LARGE1: variants seen among roughly 807,000 people sequenced by gnomAD.
The protein encoded by LARGE1 is LARGE xylosyl- and glucuronyltransferase 1.
LARGE1 carries 43 observed loss-of-function variants against 87.6 expected under a neutral mutation model. The ratio of observed to expected loss-of-function variants is 0.49; its 90% CI spans 0.38 to 0.63. LARGE1 has a LOEUF of 0.63. Among genes scored for constraint, LARGE1 ranks in the 30% least tolerant of loss-of-function variants. The probability of loss-of-function intolerance (pLI) is 0.00; values close to 1 mark genes in which losing one functional copy is unlikely to be tolerated. For missense variants in LARGE1, 802 were observed against 1,000.2 expected (o/e 0.80, Z 2.67); for synonymous variants, 434 against 394.6 (o/e 1.10, Z -1.18).
chr22:33,417,261 C>G (rs2066533046), intron 7 of LARGE1, among the ~76,000 whole-genome samples: 1 of 152,160 alleles, frequency 6.6e-6, no homozygotes, highest in Non-Finnish European at 1.5e-5. Context: ...CTAGTATCTG[C>G]TGGACAACTG....
intron 2 of LARGE1, among the ~76,000 whole-genome samples, chr22:33,730,063 C>T (rs1169488966): frequency 4.6e-5 from 7 of 152,054 alleles, no homozygotes; most frequent in Non-Finnish European, 8.8e-5. Flanking sequence ...TTGAACAACA[C>T]GGGTTTAAAG....
At chr22:33,464,065 T>C (rs2068489542) in intron 6 of LARGE1, among the ~76,000 whole-genome samples, 1 of 152,130 alleles carries the variant, frequency 6.6e-6, no homozygotes, top group South Asian at 2.1e-4. Flanking sequence ...AGGATTATTA[T>C]AAAGGCATAA....
At chr22:33,352,426 T>C (rs551437433) in intron 9 of LARGE1, among the ~76,000 whole-genome samples, 1 of 152,154 alleles carries the variant, frequency 6.6e-6, no homozygotes, top group African/African-American at 2.4e-5. Context: ...AATATATTGA[T>C]GTTGGTTTGT....
intron 11 of LARGE1, among the ~76,000 whole-genome samples, chr22:33,315,746 C>T (rs1936082526): frequency 6.6e-6 from 1 of 152,130 alleles, no homozygotes; most frequent in South Asian, 2.1e-4. Context: ...TCTCCTGCCT[C>T]AGCCTCCCCA....
chr22:33,833,600 T>C (rs916269968), intron 1 of LARGE1, among the ~76,000 whole-genome samples: 11 of 152,226 alleles, frequency 7.2e-5, no homozygotes, highest in African/African-American at 2.7e-4. Flanking sequence ...ACCCAGTCTG[T>C]GGTACCTTGT....
At chr22:33,462,143 T>C (rs1000541978) in intron 6 of LARGE1, among the ~76,000 whole-genome samples, 6 of 152,188 alleles carry the variant, frequency 3.9e-5, no homozygotes, top group Non-Finnish European at 5.9e-5. Flanking sequence ...ACCAGGTGTA[T>C]TTGAAAAGGA....
At chr22:33,629,815 T>C (rs2080045897) in intron 3 of LARGE1, among the ~76,000 whole-genome samples, 1 of 152,056 alleles carries the variant, frequency 6.6e-6, no homozygotes, top group Admixed American at 6.6e-5. Flanking sequence ...CTCATGCCTG[T>C]GGCTCACTTT....
intron 11 of LARGE1, among the ~76,000 whole-genome samples, chr22:33,192,503 TA>T (rs914443953): frequency 1.3e-4 from 20 of 151,430 alleles, no homozygotes; most frequent in African/African-American, 3.9e-4. Context: ...CTTCTCCCCT[TA>T]AAAAAAAATC....
At chr22:33,660,194 C>T (rs560799120) in intron 2 of LARGE1, among the ~76,000 whole-genome samples, 358 of 150,048 alleles carry the variant, frequency 2.4e-3, no homozygotes, top group Non-Finnish European at 4.1e-3. Flanking sequence ...CTTCCTGCTT[C>T]TATAACTGGC....
In LARGE1 at chr22:33,185,894, G is replaced by T. The variant is rs1269543688; in HGVS notation, c.1731-19062C>A. On this transcript the variant is annotated intron_variant, in intron 11 of 11. Coordinates refer to the LARGE1 transcript ENST00000608642. The stretch of plus-strand genomic sequence containing the variant: ...TCCTACTGACATGAAAGAATATTAA[G>T]GGAATATTATAAAGAATTTATAAGT... 2.0e-5 allele frequency among the ~76,000 whole-genome samples: 3 copies of T among 151,832 alleles called. No homozygotes were observed. The East Asian group carries it at 5.8e-4, about 29-fold the overall frequency.
At position 33,602,932 on chromosome 22, in the gene LARGE1, T is replaced by C. The variant is rs559761765; in HGVS notation, c.615+1503A>G. On this transcript the variant is annotated intron_variant, in intron 5 of 14. Transcript: ENST00000397394. ...GGCAGAGGCATCCTTCGGAACCAGC[T>C]GCTGCTCCTCCTCCCATGTTGCTTT... is the stretch of plus-strand genomic sequence containing the variant. Among the ~76,000 whole-genome samples, 4 of 152,334 alleles carry C rather than the reference T, an allele frequency of 2.6e-5. No homozygotes were observed. In the East Asian group the frequency reaches 7.7e-4, roughly 29 times the overall value.
intron 2 of LARGE1, among the ~76,000 whole-genome samples, chr22:33,742,641 CGA>C (rs1175664860): frequency 2.0e-5 from 3 of 152,048 alleles, no homozygotes; most frequent in Non-Finnish European, 4.4e-5. Flanking sequence ...TACCACATGG[CGA>C]GAGCACTGCC....
chr22:33,332,398 G>A (rs973270386), intron 10 of LARGE1, among the ~76,000 whole-genome samples: 1 of 152,180 alleles, frequency 6.6e-6, no homozygotes, highest in African/African-American at 2.4e-5. Context: ...CCAGCCATGT[G>A]GAACTGTGAG....
the LARGE1 span, among the ~76,000 whole-genome samples, chr22:33,077,540 T>A: frequency 1.3e-5 from 2 of 152,204 alleles, no homozygotes. Context: ...AGTGATCAAG[T>A]CTTTCTTTAA....
chr22:33,166,375 T>C (rs574793940), exon 12 of LARGE1: 71 of 187,770 alleles, frequency 3.8e-4, no homozygotes, highest in Admixed American at 2.2e-3. Context: ...TTCCCCTGCA[T>C]GTACCACCTC....
chr22:33,863,135 C>T (rs1201418991), intron 1 of LARGE1, among the ~76,000 whole-genome samples: 1 of 152,076 alleles, frequency 6.6e-6, no homozygotes, highest in Non-Finnish European at 1.5e-5. Flanking sequence ...ACACGGGAGC[C>T]GACAGTTTAG....
chr22:33,463,541 T>C (rs966609909), intron 6 of LARGE1, among the ~76,000 whole-genome samples: 5 of 152,322 alleles, frequency 3.3e-5, no homozygotes, highest in Non-Finnish European at 2.9e-5. Flanking sequence ...AATTAATTTA[T>C]AGATAGAAAT....
intron 6 of LARGE1, among the ~76,000 whole-genome samples, chr22:33,441,262 C>T (rs139898572): frequency 1.3e-5 from 2 of 151,746 alleles, no homozygotes; most frequent in African/African-American, 2.4e-5. Flanking sequence ...TTAGTAGAGA[C>T]GAGATTTCAT....
At chr22:33,442,718 C>T (rs538660112) in intron 6 of LARGE1, among the ~76,000 whole-genome samples, 84 of 152,040 alleles carry the variant, frequency 5.5e-4, no homozygotes, top group South Asian at 2.3e-3. Flanking sequence ...GGACAGCTGC[C>T]CTATGAGCAG....
Sources: gnomAD v4.1 joint callset for allele counts (sites outside exome capture counted in the v4.1 genomes callset) on GRCh38, gnomAD v4.1.1 for gene constraint, MANE v1.5 for transcripts, NCBI Gene and HGNC (gene_info 2026-07-23, HGNC 2026-07-21) for gene names.